LSS: variants seen among roughly 807,000 people sequenced by gnomAD.
LSS encodes the protein 2,3-epoxysqualene-lanosterol cyclase.
A neutral mutation model predicts 110.3 loss-of-function variants in LSS; 90 were observed. The observed-to-expected ratio is 0.82, with a 90% CI of 0.69 to 0.97. LSS has a LOEUF of 0.97. Among genes scored for constraint, LSS ranks in the 50% least tolerant of loss-of-function variants. The pLI, the probability that LSS is intolerant of heterozygous loss-of-function variation, is 0.00. For synonymous variants in LSS, 433 were observed against 400.0 expected, an observed-to-expected ratio of 1.08 and a Z score of -0.98; for missense variants, 927 against 990.0, an observed-to-expected ratio of 0.94 and a Z score of 0.85.
rs1183192379 is a variant in LSS at position 46,208,244 on chromosome 21, C to T, written c.1317+7G>A. 3 of 1,551,900 alleles carry T rather than the reference C, an allele frequency of 1.9e-6. No individual in the cohort carries two copies. Among genetic ancestry groups the T allele is most frequent in the Admixed American group, 2.0e-5 (1 of 51,022 alleles). ...ACGGGACAGGGATGGGGCTGGCTCC[C>T]GCATACCTTGCGCATCTGGCGGTAG... is the stretch of plus-strand genomic sequence containing the variant. On this transcript the variant is annotated splice_region_variant and intron_variant, in intron 14 of 21. Coordinates refer to ENST00000397728, the MANE Select transcript of LSS (RefSeq NM_002340.6).
Position 46,213,822 on chromosome 21 carries a change from A to C in LSS, c.1025T>G (p.Ile342Ser), listed in dbSNP as rs749141857. Reference protein sequence around the residue: ...SISIGPISKTINMLVRWYVDG... With the variant: ...SISIGPISKTSNMLVRWYVDG... ...CACATACCAGCGCACAAGCATGTTG[A>C]TGGTTTTCGAGATCTGCAGGAGAGA... is the stretch of plus-strand genomic sequence containing the variant. Residue 342 changes from isoleucine to serine, a missense_variant, in exon 10 of 22, where the codon ATC becomes AGC. Ile to Ser is a moderately radical substitution (Grantham distance 142, BLOSUM62 -2). Transcript: ENST00000397728. The C allele has an allele frequency of 6.8e-6, 11 of 1,613,598 alleles. No homozygotes were observed. The East Asian group carries it at 2.2e-4, about 33-fold the overall frequency.
intron 3 of LSS, chr21:46,225,323 G>A: frequency 2.2e-6 from 1 of 447,656 alleles, no homozygotes; most frequent in South Asian, 1.6e-5. Context: ...GGCCACTAGA[G>A]GGCTCCTTGG....
intron 20 of LSS, 137 bp downstream of exon 20, chr21:46,194,354 G>T: frequency 9.6e-7 from 1 of 1,041,400 alleles, no homozygotes. Flanking sequence ...GTAGGTGTCT[G>T]TTCCCAGAGT....
chr21:46,195,558 T>C, intron 19 of LSS, 118 bp downstream of exon 19: 1 of 970,564 alleles, frequency 1.0e-6, no homozygotes, highest in Non-Finnish European at 1.6e-6. Flanking sequence ...CGAGACTCCG[T>C]CTCAAAAACA....
At chr21:46,194,865 C>G (rs994670858) in intron 19 of LSS, among the ~76,000 whole-genome samples, 4 of 152,248 alleles carry the variant, frequency 2.6e-5, no homozygotes, top group African/African-American at 9.6e-5. Context: ...CTCCCAGAGT[C>G]GCTGGGAAGA....
chr21:46,201,229 T>C (rs1258251427), intron 17 of LSS, among the ~76,000 whole-genome samples: 1 of 7,996 alleles, frequency 1.3e-4, no homozygotes. Context: ...GGACAGGTCA[T>C]GAAGCCCTGA....
intron 2 of LSS, 114 bp downstream of exon 2, chr21:46,228,320 G>A (rs1379984990): frequency 7.9e-7 from 1 of 1,267,104 alleles, no homozygotes; most frequent in Admixed American, 2.5e-5. Flanking sequence ...GCTCGCCTTG[G>A]GGATGGGCGT....
chr21:46,212,167 A>G (rs1304053891), intron 11 of LSS, among the ~76,000 whole-genome samples: 1 of 152,238 alleles, frequency 6.6e-6, no homozygotes, highest in African/African-American at 2.4e-5. Flanking sequence ...AAACACGGAC[A>G]GTGTCCGGGG....
Position 46,194,640 on chromosome 21 carries a change from G to C in LSS, c.1839C>G (p.Ser613=), listed in dbSNP as rs1248020648. 2 of 1,613,000 alleles carry C rather than the reference G, an allele frequency of 1.2e-6. No homozygotes were observed. The highest frequency in any genetic ancestry group is 2.2e-5 in the East Asian group (1 of 44,900). Residue 613 remains serine (S), a synonymous_variant, in exon 20 of 22, where the codon TCC becomes TCG. Transcript: ENST00000397728. Reference sequence around the variant, plus strand: ...GGGACAGCAGGAAGTCACAGGCCCGGGAGACCTCTGCACAGGCAGTCCTGC... The same window carrying C: ...GGGACAGCAGGAAGTCACAGGCCCGCGAGACCTCTGCACAGGCAGTCCTGC... The part of the protein sequence containing the change: ...YRDGTACAEV[S]RACDFLLSRQ...
intron 21 of LSS, 63 bp downstream of exon 21, chr21:46,191,818 A>T: frequency 7.1e-7 from 1 of 1,406,356 alleles, no homozygotes; most frequent in Admixed American, 1.8e-5. Flanking sequence ...GGGGACGTGG[A>T]AACAGCCATG....
Position 46,209,652 on chromosome 21 carries a change from C to A in LSS, c.1195-27G>T. ...TGGAAGAGACAGCAGGACAGAGAGG[C>A]TCAGCTGCCCTTGCACGGCCAGCAT... is the stretch of plus-strand genomic sequence containing the variant. On this transcript the variant is annotated intron_variant, in intron 12 of 21. Transcript: ENST00000397728. This position sits in a 1 kb window ranked among gnomAD's most constrained non-coding sequence, Gnocchi z 4.4. 6.3e-7 allele frequency: 1 copy of A among 1,595,892 alleles called. No individual in the cohort carries two copies. Among genetic ancestry groups the A allele is most frequent in the African/African-American group, 1.3e-5 (1 of 74,830 alleles).
chr21:46,196,500 TTGGGAAGCCCC>T, intron 17 of LSS: 1 of 539,552 alleles, frequency 1.9e-6, no homozygotes, highest in Non-Finnish European at 3.3e-6. Context: ...AAGCAAGGCC[TTGGGAAGCCCC>T]TGCAGACACA....
rs1601414978 is a variant in LSS at position 46,195,772 on chromosome 21, G to A, written c.1737-16C>T. On this transcript the variant is annotated splice_polypyrimidine_tract_variant and intron_variant, in intron 18 of 21. Coordinates refer to ENST00000397728, the MANE Select transcript of LSS (RefSeq NM_002340.6). ...TCCCCAGGAGCTGGAGGGAAACAGG[G>A]AGAGCCTCAGCCCTTCCACCCTGTT... 1 of 1,608,718 alleles carries A rather than the reference G, an allele frequency of 6.2e-7. No homozygotes were observed. Among genetic ancestry groups the A allele is most frequent in the South Asian group, 1.1e-5 (1 of 90,984 alleles).
chr21:46,197,757 C>G (rs1177151614), intron 17 of LSS, among the ~76,000 whole-genome samples: 1 of 151,962 alleles, frequency 6.6e-6, no homozygotes, highest in African/African-American at 2.4e-5. Flanking sequence ...GGCATGATGA[C>G]AGGCGCCTGT....
rs539481608 is a variant in LSS, at chr21:46,205,013, C to T, written c.1670+823G>A. 2.0e-5 allele frequency among the ~76,000 whole-genome samples: 3 copies of T among 152,222 alleles called. No homozygotes were observed. The South Asian group carries it at 6.2e-4, about 32-fold the overall frequency. Reference sequence around the variant, plus strand: ...TTGAACAAAAGTAAAAAAATGTAATCGTGATAGGATAAAGAAGAACCTACA... The same window carrying T: ...TTGAACAAAAGTAAAAAAATGTAATTGTGATAGGATAAAGAAGAACCTACA... On this transcript the variant is annotated intron_variant, in intron 17 of 21. Coordinates refer to ENST00000397728, the MANE Select transcript of LSS (RefSeq NM_002340.6).
At chr21:46,222,097 A>T in intron 4 of LSS, 122 bp from the exon 5 acceptor site, 2 of 1,078,300 alleles carry the variant, frequency 1.9e-6, no homozygotes, top group Non-Finnish European at 2.7e-6. Context: ...ACCTGACATA[A>T]CATGCCAACA....
chr21:46,217,560 C>T (rs549255350), intron 6 of LSS, among the ~76,000 whole-genome samples: 1 of 152,202 alleles, frequency 6.6e-6, no homozygotes, highest in African/African-American at 2.4e-5. Context: ...TTTTTTCTCA[C>T]ATTTTGGGTT....
At chr21:46,220,112 G>T (rs754766032) in intron 5 of LSS, among the ~76,000 whole-genome samples, 13 of 152,212 alleles carry the variant, frequency 8.5e-5, no homozygotes, top group Non-Finnish European at 1.5e-4. Flanking sequence ...CACTTCAGCA[G>T]CAGCAGTCCT....
intron 19 of LSS, among the ~76,000 whole-genome samples, chr21:46,194,888 C>T (rs567662112): frequency 3.3e-5 from 5 of 152,218 alleles, no homozygotes; most frequent in African/African-American, 4.8e-5. Flanking sequence ...AAGGGACATG[C>T]GAGTACCGAG....
Sources: gnomAD v4.1 joint callset for allele counts (sites outside exome capture counted in the v4.1 genomes callset) on GRCh38, gnomAD v4.1.1 for gene constraint, Gnocchi (gnomAD v3.1) non-coding constraint, MANE v1.5 for transcripts, NCBI Gene and HGNC (gene_info 2026-07-23, HGNC 2026-07-21) for gene names.